Variants in DHX30 observed in about 807,000 individuals in gnomAD.
The protein encoded by DHX30 is DExH-box helicase 30.
Under a neutral mutation model 116.9 loss-of-function variants are expected in DHX30, and 4 were observed. The ratio of observed to expected loss-of-function variants is 0.03; its 90% CI spans 0.02 to 0.08. DHX30 has a LOEUF of 0.08. Among genes scored for constraint, DHX30 ranks in the 10% least tolerant of loss-of-function variants. The pLI is 1.00. For missense variants in DHX30, 871 were observed against 1,595.1 expected (o/e 0.55, Z 7.73); for synonymous variants, 697 against 651.7 (o/e 1.07, Z -1.06).
At chr3:47,815,535 CT>C (rs1315610398) in intron 3 of DHX30, among the ~76,000 whole-genome samples, 2 of 152,040 alleles carry the variant, frequency 1.3e-5, no homozygotes, top group Admixed American at 1.3e-4. Flanking sequence ...TGGTGGCCCA[CT>C]GGGTCTTGTG....
intron 2 of DHX30, 37 bp downstream of exon 2, chr3:47,805,457 T>G (rs1215879441): frequency 2.5e-6 from 1 of 398,908 alleles, no homozygotes; most frequent in East Asian, 3.6e-5. Context: ...CAGTGGTGGA[T>G]CTGATGCTCA....
At chr3:47,824,079 T>G (rs1254319497) in intron 4 of DHX30, among the ~76,000 whole-genome samples, 1 of 148,076 alleles carries the variant, frequency 6.8e-6, no homozygotes. Context: ...CTTGGCTTAC[T>G]GCAACCTCCG....
chr3:47,809,438 G>T (rs2035689779), intron 2 of DHX30, among the ~76,000 whole-genome samples: 1 of 151,470 alleles, frequency 6.6e-6, no homozygotes, highest in African/African-American at 2.4e-5. Flanking sequence ...TAGAGACGGG[G>T]TTTCACCGTG....
At chr3:47,813,854 C>T (rs1354753801) in intron 3 of DHX30, among the ~76,000 whole-genome samples, 1 of 133,178 alleles carries the variant, frequency 7.5e-6, no homozygotes, top group Non-Finnish European at 1.6e-5. Flanking sequence ...CATCTGTTTT[C>T]ATATTGTTTG....
chr3:47,843,717 T>C (rs1406047142), intron 9 of DHX30, among the ~76,000 whole-genome samples: 1 of 152,112 alleles, frequency 6.6e-6, no homozygotes, highest in African/African-American at 2.4e-5. Context: ...GTTCTCTTTT[T>C]TTTGAGACAG....
At chr3:47,840,382 T>C (rs1402690800) in intron 6 of DHX30, among the ~76,000 whole-genome samples, 1 of 151,400 alleles carries the variant, frequency 6.6e-6, no homozygotes, top group Non-Finnish European at 1.5e-5. Flanking sequence ...CGGTGGCTCA[T>C]GTCTGTAATC....
rs1234355845 is a variant in DHX30, at chr3:47,847,945, C to T, written c.2275C>T (p.Leu759=). 2.5e-6 allele frequency: 4 copies of T among 1,613,742 alleles called. No homozygotes were observed. Among genetic ancestry groups the T allele is most frequent in the African/African-American group, 1.3e-5 (1 of 75,060 alleles). ...GCTGCACAAGGAAGAACGCTATGAC[C>T]TGAAGACCAAGGTGGCACCTACCTC... The part of the protein sequence containing the change: ...SGLHKEERYD[L]KTKVSCLETV... Residue 759 remains leucine, a synonymous_variant, in exon 14 of 22, where the codon CTG becomes TTG. Transcript: ENST00000445061. The surrounding 1 kb of genome is among the most constrained non-coding windows in gnomAD (Gnocchi z 5.5).
chr3:47,824,456 C>T (rs1236933430), intron 4 of DHX30, among the ~76,000 whole-genome samples: 1 of 152,052 alleles, frequency 6.6e-6, no homozygotes, highest in Non-Finnish European at 1.5e-5. Flanking sequence ...TTTTCTTTTT[C>T]GTTTTTTAAA....
intron 4 of DHX30, among the ~76,000 whole-genome samples, chr3:47,818,951 C>A (rs1002813871): frequency 6.6e-6 from 1 of 152,122 alleles, no homozygotes; most frequent in Non-Finnish European, 1.5e-5. Context: ...CATGTCTACT[C>A]TAGGGTCTGT....
intron 2 of DHX30, among the ~76,000 whole-genome samples, chr3:47,805,919 T>C (rs1046614180): frequency 6.6e-6 from 1 of 152,216 alleles, no homozygotes; most frequent in Non-Finnish European, 1.5e-5. Context: ...AGTTAAATTG[T>C]ATTTCATTAT....
intron 3 of DHX30, among the ~76,000 whole-genome samples, chr3:47,811,683 CAG>C (rs1485455070): frequency 1.3e-5 from 2 of 152,220 alleles, no homozygotes; most frequent in African/African-American, 2.4e-5. Context: ...AGCTTTCACT[CAG>C]GGGCAGAAGG....
At chr3:47,821,508 A>T (rs917606203) in intron 4 of DHX30, among the ~76,000 whole-genome samples, 1 of 151,886 alleles carries the variant, frequency 6.6e-6, no homozygotes, top group African/African-American at 2.4e-5. Context: ...ACCTCAGGCA[A>T]TCTGCCCGCT....
rs1394746774 is a variant in DHX30 at position 47,847,503 on chromosome 3, G to A, written c.2077G>A (p.Gly693Ser). 6.2e-7 allele frequency: 1 copy of A among 1,612,284 alleles called. No homozygotes were observed. Among genetic ancestry groups the A allele is most frequent in the Non-Finnish European group, 8.5e-7 (1 of 1,179,168 alleles). Residue 693 changes from glycine to serine, a missense_variant, in exon 13 of 22, where the codon GGC (glycine) becomes AGC (serine). Transcript: ENST00000445061. This position sits in a 1 kb window ranked among gnomAD's most constrained non-coding sequence, Gnocchi z 5.5. ...GVQQRLQEALGMHESKYLILP... is the reference protein window; with the variant it reads ...GVQQRLQEALSMHESKYLILP... ...GCAGCAGCGCCTCCAGGAGGCCCTG[G>A]GCATGCACGAGAGCAAGTACCTCAT...
At chr3:47,825,323 A>C in intron 4 of DHX30, 1 of 536,936 alleles carries the variant, frequency 1.9e-6, no homozygotes, top group Non-Finnish European at 3.3e-6. Flanking sequence ...GCGCGGGCCG[A>C]AATCGGGCCT....
chr3:47,828,928 C>T (rs1036892016), intron 5 of DHX30, 96 bp from the exon 6 acceptor site: 23 of 721,458 alleles, frequency 3.2e-5, no homozygotes, highest in Non-Finnish European at 5.5e-5. Flanking sequence ...GTGAGGTCTG[C>T]TGCTGTGAGG....
chr3:47,836,511 AGTTTTGTTTT>A (rs367678281), intron 6 of DHX30, among the ~76,000 whole-genome samples: 420 of 151,334 alleles, frequency 2.8e-3, no homozygotes, highest in African/African-American at 9.6e-3. Context: ...CTATGTGTAT[AGTTTTGTTTT>A]GTTTTGTTTT....
chr3:47,834,318 G>A (rs2037005333), intron 6 of DHX30, among the ~76,000 whole-genome samples: 1 of 152,078 alleles, frequency 6.6e-6, no homozygotes, highest in Non-Finnish European at 1.5e-5. Flanking sequence ...TGGCCAGGCT[G>A]GTCTTGAACT....
intron 4 of DHX30, among the ~76,000 whole-genome samples, chr3:47,821,638 G>T (rs2036305417): frequency 6.6e-6 from 1 of 151,544 alleles, no homozygotes; most frequent in Non-Finnish European, 1.5e-5. Context: ...TCACTCTGTT[G>T]TCCAGGCTGG....
chr3:47,825,188 A>C, intron 4 of DHX30: 1 of 659,318 alleles, frequency 1.5e-6, no homozygotes, highest in Non-Finnish European at 2.7e-6. Flanking sequence ...GAAGCCGCCG[A>C]GGCCGAGTCA....
Sources: gnomAD v4.1 joint callset for allele counts (sites outside exome capture counted in the v4.1 genomes callset) on GRCh38, gnomAD v4.1.1 for gene constraint, Gnocchi (gnomAD v3.1) non-coding constraint, MANE v1.5 for transcripts, NCBI Gene and HGNC (gene_info 2026-07-23, HGNC 2026-07-21) for gene names.